The following TMEM232 variants were observed in gnomAD, a reference collection of about 807,000 sequenced individuals.
TMEM232 encodes the protein transmembrane protein 232.
A neutral mutation model predicts 78.8 loss-of-function variants in TMEM232; 80 were observed. That is an observed-to-expected ratio of 1.01 (90% confidence interval 0.85 to 1.22). The LOEUF is 1.22. TMEM232 is among the 50% of genes most tolerant of loss of function. The pLI is 0.00. For missense variants in TMEM232, 881 were observed against 742.2 expected (o/e 1.19, Z -2.17); for synonymous variants, 297 against 254.3 (o/e 1.17, Z -1.60).
intron 11 of TMEM232, among the ~76,000 whole-genome samples, chr5:110,541,868 G>T (rs1277737284): frequency 6.6e-6 from 1 of 152,076 alleles, no homozygotes; most frequent in African/African-American, 2.4e-5. Context: ...TTTTACAAAA[G>T]TTTGAAACTC....
At chr5:110,652,294 G>GTACACACACACA (rs140887082) in intron 2 of TMEM232, among the ~76,000 whole-genome samples, 1 of 145,360 alleles carries the variant, frequency 6.9e-6, no homozygotes, top group Non-Finnish European at 1.5e-5. Context: ...GCACGCGCGC[G>GTACACACACACA]CACACACACA....
chr5:110,611,101 ATTAT>A (rs1382749269), intron 8 of TMEM232, among the ~76,000 whole-genome samples: 3 of 152,296 alleles, frequency 2.0e-5, no homozygotes, highest in African/African-American at 7.2e-5. Flanking sequence ...TATATAAATA[ATTAT>A]TTAAGGAGAA....
At chr5:110,542,986 C>T (rs1773345866) in intron 11 of TMEM232, among the ~76,000 whole-genome samples, 1 of 152,178 alleles carries the variant, frequency 6.6e-6, no homozygotes, top group Admixed American at 6.5e-5. Flanking sequence ...TCTTGAGCCA[C>T]TTGCTCAAGC....
At chr5:110,575,770 C>T (rs1047710164) in intron 10 of TMEM232, among the ~76,000 whole-genome samples, 1 of 152,026 alleles carries the variant, frequency 6.6e-6, no homozygotes, top group Non-Finnish European at 1.5e-5. Context: ...GGAAACCATG[C>T]TTCTCCCACA....
At chr5:110,483,252 TA>T (rs1310930436) in intron 12 of TMEM232, among the ~76,000 whole-genome samples, 1 of 152,090 alleles carries the variant, frequency 6.6e-6, no homozygotes, top group Non-Finnish European at 1.5e-5. Flanking sequence ...ACTAATTTTT[TA>T]TAAGTTATAA....
intron 1 of TMEM232, among the ~76,000 whole-genome samples, chr5:110,718,405 G>T (rs575440764): frequency 1.1e-4 from 16 of 152,200 alleles, no homozygotes; most frequent in African/African-American, 3.9e-4. Flanking sequence ...CTGGATAGCT[G>T]TTAATCTTAT....
At chr5:110,412,664 A>T (rs945821756) in intron 2 of TMEM232, among the ~76,000 whole-genome samples, 1 of 152,138 alleles carries the variant, frequency 6.6e-6, no homozygotes, top group Non-Finnish European at 1.5e-5. Context: ...TTTCCCAAGA[A>T]AATTTTCAGA....
At chr5:110,724,929 G>A (rs904353523) in intron 1 of TMEM232, among the ~76,000 whole-genome samples, 2 of 152,058 alleles carry the variant, frequency 1.3e-5, no homozygotes, top group African/African-American at 4.8e-5. Context: ...TTTAGCAAGT[G>A]ATTTATTATA....
intron 7 of TMEM232, among the ~76,000 whole-genome samples, chr5:110,625,037 T>C (rs1784241006): frequency 6.6e-6 from 1 of 152,002 alleles, no homozygotes; most frequent in Non-Finnish European, 1.5e-5. Flanking sequence ...ATTACCCCAT[T>C]TAAAGTAGTA....
intron 10 of TMEM232, among the ~76,000 whole-genome samples, chr5:110,574,992 G>T (rs1336246239): frequency 1.3e-5 from 2 of 151,960 alleles, no homozygotes; most frequent in African/African-American, 4.8e-5. Context: ...CAAACTTGCA[G>T]CTGGTGTCAA....
rs577387058 is a variant in TMEM232 at position 110,496,754 on chromosome 5, A to T, written c.1703+31834T>A. 2.0e-5 allele frequency among the ~76,000 whole-genome samples: 3 copies of T among 152,156 alleles called. 1 individual carries two copies. The South Asian group carries it at 6.2e-4, about 32-fold the overall frequency. ...ATAAATCTTTCCCTTTACCAAATTT[A>T]GGTAGTTGGATGAGGCCATCTGATA... On this transcript the variant is annotated intron_variant, in intron 12 of 13. Transcript: ENST00000455884.
chr5:110,638,945 G>A (rs984498270), intron 4 of TMEM232, among the ~76,000 whole-genome samples: 1 of 152,216 alleles, frequency 6.6e-6, no homozygotes, highest in African/African-American at 2.4e-5. Context: ...GCCAACCGGT[G>A]AAGCTGAAGG....
At chr5:110,413,360 C>T (rs1009653195) in intron 2 of TMEM232, among the ~76,000 whole-genome samples, 3 of 152,160 alleles carry the variant, frequency 2.0e-5, no homozygotes, top group Non-Finnish European at 4.4e-5. Flanking sequence ...AGACTGAAGG[C>T]TGCATTTGGC....
chr5:110,496,845 TC>T (rs1330341540), intron 12 of TMEM232, among the ~76,000 whole-genome samples: 2 of 152,078 alleles, frequency 1.3e-5, no homozygotes. Flanking sequence ...TAATTCTATG[TC>T]ACTCAGCTAC....
intron 2 of TMEM232, among the ~76,000 whole-genome samples, chr5:110,642,988 G>T (rs1277482108): frequency 6.6e-6 from 1 of 151,604 alleles, no homozygotes; most frequent in East Asian, 1.9e-4. Flanking sequence ...TGTAGCAAAA[G>T]GGGGAGCTTA....
At chr5:110,493,423 C>T (rs981399977) in intron 12 of TMEM232, among the ~76,000 whole-genome samples, 3 of 147,686 alleles carry the variant, frequency 2.0e-5, no homozygotes, top group Admixed American at 1.3e-4. Flanking sequence ...ATTATAAAGA[C>T]TTACTATAAA....
In TMEM232 at chr5:110,523,683, C is replaced by T. The variant is rs192988051; in HGVS notation, c.1703+4905G>A. Among the ~76,000 whole-genome samples the T allele has an allele frequency of 2.1e-3, 326 of 151,974 alleles. 2 individuals carry two copies. Among genetic ancestry groups the T allele is most frequent in the African/African-American group, 7.1e-3 (293 of 41,428 alleles). ...CTTTCTACATAAAGACCTGGAATGG[C>T]GAATCATGCTTATAATCCCAGCAGT... is the stretch of plus-strand genomic sequence containing the variant. On this transcript the variant is annotated intron_variant, in intron 12 of 13. Coordinates refer to ENST00000455884, the MANE Select transcript of TMEM232 (RefSeq NM_001039763.4).
intron 10 of TMEM232, among the ~76,000 whole-genome samples, chr5:110,581,881 A>G (rs2149729904): frequency 6.6e-6 from 1 of 152,088 alleles, no homozygotes; most frequent in East Asian, 1.9e-4. Flanking sequence ...AAGAAGACAT[A>G]CATGCATCCA....
intron 12 of TMEM232, among the ~76,000 whole-genome samples, chr5:110,426,078 G>T (rs978837155): frequency 4.5e-4 from 68 of 151,998 alleles, no homozygotes; most frequent in African/African-American, 1.6e-3. Flanking sequence ...CCATCCCACT[G>T]TTGCTTGTTT....
Sources: allele counts gnomAD v4.1 joint callset (sites outside exome capture counted in the v4.1 genomes callset), GRCh38; gene constraint gnomAD v4.1.1; transcripts MANE v1.5; gene names NCBI Gene and HGNC (gene_info 2026-07-23, HGNC 2026-07-21).